The following CNTN5 variants were observed in gnomAD, a reference collection of about 807,000 sequenced individuals.
CNTN5 encodes contactin 5.
CNTN5 carries 77 observed loss-of-function variants against 129.1 expected under a neutral mutation model. That is an observed-to-expected ratio of 0.60 (90% CI 0.50 to 0.72). CNTN5 has a LOEUF of 0.72. Among genes scored for constraint, CNTN5 ranks in the 30% least tolerant of loss-of-function variants. The probability of loss-of-function intolerance (pLI) is 0.00; values close to 1 mark genes in which losing one functional copy is unlikely to be tolerated. For missense variants in CNTN5, 1,478 were observed against 1,328.8 expected (o/e 1.11, Z -1.75); for synonymous variants, 509 against 465.6 (o/e 1.09, Z -1.20).
Position 100,124,570 on chromosome 11 carries a change from G to A in CNTN5, c.1580+50276G>A, listed in dbSNP as rs147814116. On this transcript the variant is annotated intron_variant, in intron 13 of 24. Coordinates refer to ENST00000524871, the MANE Select transcript of CNTN5 (RefSeq NM_014361.4). ...CCAGTTCAGACAGATTTCTGGCAAT[G>A]AGCCCTGGGAATAAAAGCAACTAAT... Among the ~76,000 whole-genome samples, 3 of 152,126 alleles carry A rather than the reference G, an allele frequency of 2.0e-5. No homozygotes were observed. The East Asian group carries it at 5.8e-4, about 30-fold the overall frequency.
At chr11:99,665,365 T>G (rs1952746946) in intron 3 of CNTN5, among the ~76,000 whole-genome samples, 1 of 151,524 alleles carries the variant, frequency 6.6e-6, no homozygotes, top group Non-Finnish European at 1.5e-5. Context: ...AGGAGAAACG[T>G]AACCAGAGAG....
chr11:99,211,134 T>A (rs1450305782), intron 1 of CNTN5, among the ~76,000 whole-genome samples: 1 of 152,114 alleles, frequency 6.6e-6, no homozygotes, highest in Non-Finnish European at 1.5e-5. Context: ...TACCAAGATA[T>A]GATCGTAAAA....
chr11:99,791,985 T>A (rs1272306455), intron 3 of CNTN5, among the ~76,000 whole-genome samples: 1 of 152,188 alleles, frequency 6.6e-6, no homozygotes, highest in African/African-American at 2.4e-5. Flanking sequence ...ACATTGTTTG[T>A]CAAAGGCTTT....
intron 3 of CNTN5, among the ~76,000 whole-genome samples, chr11:99,689,063 A>G (rs11220996): frequency 0.13 from 19,697 of 152,104 alleles, 1,846 homozygotes; most frequent in East Asian, 0.41. Flanking sequence ...GCTCTAATGA[A>G]TACACACATG....
At chr11:99,457,228 A>G (rs1944528903) in intron 2 of CNTN5, among the ~76,000 whole-genome samples, 1 of 152,018 alleles carries the variant, frequency 6.6e-6, no homozygotes, top group African/African-American at 2.4e-5. Flanking sequence ...ATTTACAGTT[A>G]GCTGGTGGAC....
chr11:99,369,036 C>A (rs1216819281), intron 2 of CNTN5, among the ~76,000 whole-genome samples: 1 of 151,702 alleles, frequency 6.6e-6, no homozygotes, highest in Non-Finnish European at 1.5e-5. Context: ...GGAAGTTAGA[C>A]CCTTCCCTGC....
chr11:99,425,329 G>A lies in CNTN5; in HGVS notation c.-71+99845G>A, dbSNP rs182124247. 6.0e-3 allele frequency among the ~76,000 whole-genome samples: 910 copies of A among 152,328 alleles called. 7 individuals are homozygous for A. The highest frequency in any genetic ancestry group is 0.021 in the African/African-American group (853 of 41,576). On this transcript the variant is annotated intron_variant, in intron 2 of 24. Coordinates refer to ENST00000524871, the MANE Select transcript of CNTN5 (RefSeq NM_014361.4). Reference sequence around the variant, plus strand: ...AGGCTGTTTTTGTTTTGGAGGTAGGGTTTCACTGAGGACCCTCCGCTTTCC... The same window carrying A: ...AGGCTGTTTTTGTTTTGGAGGTAGGATTTCACTGAGGACCCTCCGCTTTCC...
chr11:100,032,874 G>T (rs1941791828), intron 9 of CNTN5, among the ~76,000 whole-genome samples: 1 of 152,020 alleles, frequency 6.6e-6, no homozygotes, highest in Admixed American at 6.6e-5. Context: ...TGAAGATTTT[G>T]GTAGATTTCC....
At chr11:99,708,541 C>A (rs1328813531) in intron 3 of CNTN5, among the ~76,000 whole-genome samples, 1 of 151,662 alleles carries the variant, frequency 6.6e-6, no homozygotes, top group Non-Finnish European at 1.5e-5. Flanking sequence ...AAGATACTTT[C>A]AAAACTCAAA....
intron 1 of CNTN5, among the ~76,000 whole-genome samples, chr11:99,273,857 G>GT (rs1671206836): frequency 6.6e-6 from 1 of 150,820 alleles, no homozygotes; most frequent in South Asian, 2.1e-4. Flanking sequence ...AATATTTTCT[G>GT]TTTTTTATCA....
At chr11:100,011,447 C>A (rs1393903889) in intron 9 of CNTN5, among the ~76,000 whole-genome samples, 2 of 152,066 alleles carry the variant, frequency 1.3e-5, no homozygotes, top group Admixed American at 6.6e-5. Flanking sequence ...CTTTTTTTCT[C>A]TCTTTTTAAA....
chr11:100,210,308 C>A (rs1281378625), intron 15 of CNTN5, among the ~76,000 whole-genome samples: 2 of 149,780 alleles, frequency 1.3e-5, no homozygotes, highest in Non-Finnish European at 3.0e-5. Context: ...CAAGAACCTG[C>A]CACTGCACTC....
At chr11:100,234,598 C>T (rs1591420726) in intron 16 of CNTN5, among the ~76,000 whole-genome samples, 1 of 150,836 alleles carries the variant, frequency 6.6e-6, no homozygotes. Context: ...ACAATGAGAA[C>T]ACATGGACAC....
intron 6 of CNTN5, among the ~76,000 whole-genome samples, chr11:99,881,360 C>T (rs914870863): frequency 5.3e-5 from 8 of 152,112 alleles, no homozygotes; most frequent in Admixed American, 5.2e-4. Context: ...TAAATTATAG[C>T]CAGAACGGAG....
At chr11:99,699,610 T>A (rs1954431165) in intron 3 of CNTN5, among the ~76,000 whole-genome samples, 2 of 151,502 alleles carry the variant, frequency 1.3e-5, no homozygotes, top group South Asian at 2.1e-4. Context: ...TAGCGAAGTA[T>A]TAAGTGTATA....
At chr11:99,959,851 G>C (rs1346499813) in intron 8 of CNTN5, among the ~76,000 whole-genome samples, 1 of 152,048 alleles carries the variant, frequency 6.6e-6, no homozygotes, top group Non-Finnish European at 1.5e-5. Context: ...TTTTTTACCA[G>C]AGAAGCTACA....
At chr11:99,371,602 T>G (rs1352574226) in intron 2 of CNTN5, among the ~76,000 whole-genome samples, 3 of 152,168 alleles carry the variant, frequency 2.0e-5, no homozygotes, top group Non-Finnish European at 4.4e-5. Context: ...GAGTTACAGA[T>G]TAACTTTGAT....
chr11:99,328,234 A>G (rs1865862188), intron 2 of CNTN5, among the ~76,000 whole-genome samples: 1 of 152,202 alleles, frequency 6.6e-6, no homozygotes, highest in Non-Finnish European at 1.5e-5. Flanking sequence ...TGTGGCCAGA[A>G]TTGACAAAAT....
chr11:99,417,111 A>T (rs1423815908), intron 2 of CNTN5, among the ~76,000 whole-genome samples: 1 of 152,210 alleles, frequency 6.6e-6, no homozygotes, highest in Non-Finnish European at 1.5e-5. Context: ...TTTAAAATTA[A>T]TTTTTAAATT....
Sources: gnomAD v4.1 joint callset for allele counts (sites outside exome capture counted in the v4.1 genomes callset) on GRCh38, gnomAD v4.1.1 for gene constraint, MANE v1.5 for transcripts, NCBI Gene and HGNC (gene_info 2026-07-23, HGNC 2026-07-21) for gene names.